NDRG1: variants seen among roughly 807,000 people sequenced by gnomAD.
The protein encoded by NDRG1 is N-myc downstream regulated 1.
NDRG1 carries 32 observed loss-of-function variants against 56.9 expected under a neutral mutation model. That is an observed-to-expected ratio of 0.56 (90% CI 0.42 to 0.76). The LOEUF is 0.76. NDRG1 is among the 30% of genes least tolerant of loss of function. The probability of loss-of-function intolerance (pLI) is 0.00; values close to 1 mark genes in which losing one functional copy is unlikely to be tolerated. For missense variants in NDRG1, 507 were observed against 545.7 expected (o/e 0.93, Z 0.71); for synonymous variants, 211 against 204.1 (o/e 1.03, Z -0.29).
chr8:133,269,687 G>A (rs751984216), intron 3 of NDRG1, among the ~76,000 whole-genome samples: 2 of 152,150 alleles, frequency 1.3e-5, no homozygotes, highest in African/African-American at 4.8e-5. Flanking sequence ...ATTCTGTGCC[G>A]GGCAGAAGAG....
chr8:133,296,399 C>T (rs1461107656), intron 1 of NDRG1: 5 of 442,620 alleles, frequency 1.1e-5, no homozygotes, highest in African/African-American at 2.0e-5. Flanking sequence ...CGGGTTCCTC[C>T]GGGGGCGCAC....
intron 12 of NDRG1, 35 bp from the exon 13 acceptor site, chr8:133,246,698 C>T (rs1206083613): frequency 2.4e-5 from 39 of 1,610,624 alleles, no homozygotes; most frequent in Non-Finnish European, 3.1e-5. Flanking sequence ...TAATTTTCTA[C>T]GTGAAGCCAA....
intron 1 of NDRG1, among the ~76,000 whole-genome samples, chr8:133,290,559 T>C (rs1858373990): frequency 6.6e-6 from 1 of 152,146 alleles, no homozygotes; most frequent in South Asian, 2.1e-4. Context: ...GATCTCACAT[T>C]GCCCTAAATA....
intron 2 of NDRG1, among the ~76,000 whole-genome samples, chr8:133,283,648 G>A (rs1018290916): frequency 1.3e-5 from 2 of 152,202 alleles, no homozygotes; most frequent in Non-Finnish European, 2.9e-5. Context: ...TATGAATTAG[G>A]TCACTCCATC....
intron 3 of NDRG1, among the ~76,000 whole-genome samples, chr8:133,266,192 C>G (rs906128711): frequency 6.6e-5 from 10 of 152,258 alleles, no homozygotes; most frequent in Non-Finnish European, 1.2e-4. Flanking sequence ...AATCAGCCTC[C>G]GCGGGGCCCC....
Position 133,250,454 on chromosome 8 carries a change from G to A in NDRG1, c.684C>T (p.Ile228=). The change falls in exon 10 of 16, where the codon ATC becomes ATT. Residue 228 remains isoleucine (I), a synonymous_variant. Coordinates refer to ENST00000323851, the MANE Select transcript of NDRG1 (RefSeq NM_006096.4). ...DMNPGNLHLF[I]NAYNSRRDLE... is the part of the protein sequence containing the mutation. ...CATCCCAATACCTGTTGTAGGCATT[G>A]ATGAACAGGTGCAGGTTGCCGGGGT... 2 of 1,613,968 alleles carry A rather than the reference G, an allele frequency of 1.2e-6. No homozygotes were observed. The highest frequency in any genetic ancestry group is 1.7e-6 in the Non-Finnish European group (2 of 1,179,832).
At chr8:133,239,167 G>A in intron 15 of NDRG1, 48 bp from the exon 16 acceptor site, 1 of 1,548,590 alleles carries the variant, frequency 6.5e-7, no homozygotes, top group Non-Finnish European at 8.7e-7. Flanking sequence ...ACTGCCAGGT[G>A]AGGAGCCAGG....
intron 7 of NDRG1, among the ~76,000 whole-genome samples, chr8:133,257,714 C>T (rs1856455731): frequency 6.6e-6 from 1 of 152,164 alleles, no homozygotes; most frequent in Non-Finnish European, 1.5e-5. Flanking sequence ...ACCTGGGGTA[C>T]AGTTGAGACC....
chr8:133,245,702 G>T (rs778878415), intron 13 of NDRG1, among the ~76,000 whole-genome samples: 5 of 152,130 alleles, frequency 3.3e-5, no homozygotes, highest in Non-Finnish European at 7.3e-5. Context: ...GAACTAAAAG[G>T]GAATAAATAT....
At chr8:133,256,401 C>A (rs1382254083) in intron 8 of NDRG1, among the ~76,000 whole-genome samples, 3 of 152,140 alleles carry the variant, frequency 2.0e-5, no homozygotes, top group Non-Finnish European at 4.4e-5. Context: ...TTCCTAGAGG[C>A]TTTTGTCTTG....
At chr8:133,295,621 A>G (rs572086865) in intron 1 of NDRG1, among the ~76,000 whole-genome samples, 12 of 152,322 alleles carry the variant, frequency 7.9e-5, no homozygotes, top group Admixed American at 3.9e-4. Flanking sequence ...GTGAAACTCA[A>G]TAAGAACGCC....
intron 1 of NDRG1, chr8:133,296,549 G>A: frequency 2.2e-6 from 1 of 455,724 alleles, no homozygotes; most frequent in South Asian, 1.5e-5. Context: ...AGCGCCACCA[G>A]CCTCTCGGAT....
At chr8:133,252,636 C>T (rs1333274168) in intron 9 of NDRG1, among the ~76,000 whole-genome samples, 1 of 151,036 alleles carries the variant, frequency 6.6e-6, no homozygotes, top group African/African-American at 2.4e-5. Flanking sequence ...CTCTGTTTCC[C>T]TCGTACACTC....
In NDRG1 at chr8:133,269,044, G is replaced by A. The variant is rs145376868; in HGVS notation, c.100-4392C>T. Among the ~76,000 whole-genome samples, 15 of 152,288 alleles carry A rather than the reference G, an allele frequency of 9.8e-5. No individual in the cohort carries two copies. In the East Asian group the frequency reaches 2.9e-3, roughly 29 times the overall value. ...GAATGTTCTGTCCTTCTGTCCCTGC[G>A]GGGATCAATCACTCAGTGTTCTGGA... On this transcript the variant is annotated intron_variant, in intron 3 of 15. Transcript: ENST00000323851.
At chr8:133,261,510 C>T (rs1315703961) in intron 5 of NDRG1, among the ~76,000 whole-genome samples, 1 of 152,202 alleles carries the variant, frequency 6.6e-6, no homozygotes. Flanking sequence ...CTAACAACAG[C>T]AGCCACACAG....
chr8:133,252,078 A>T (rs975368377), intron 9 of NDRG1, among the ~76,000 whole-genome samples: 1 of 152,160 alleles, frequency 6.6e-6, no homozygotes, highest in African/African-American at 2.4e-5. Context: ...GAGCTGTGAG[A>T]GAATACACTT....
rs116738008 is a variant in NDRG1 at position 133,292,500 on chromosome 8, C to A, written c.-19+4634G>T. ...CCCAGGAAGGACCCAACCCAGCCTC[C>A]CCTCCAGCAGAGGACAGCCAAGGAG... is the stretch of plus-strand genomic sequence containing the variant. On this transcript the variant is annotated intron_variant, in intron 1 of 15. Coordinates refer to ENST00000323851, the MANE Select transcript of NDRG1 (RefSeq NM_006096.4). Among the ~76,000 whole-genome samples, 690 of 152,228 alleles carry A rather than the reference C, an allele frequency of 4.5e-3. 4 individuals carry two copies. The highest frequency in any genetic ancestry group is 0.016 in the African/African-American group (653 of 41,526).
chr8:133,292,292 C>T (rs922765010), intron 1 of NDRG1, among the ~76,000 whole-genome samples: 7 of 152,192 alleles, frequency 4.6e-5, no homozygotes, highest in African/African-American at 1.4e-4. Flanking sequence ...ATGCTAGCCA[C>T]GCTAACAGGA....
intron 8 of NDRG1, chr8:133,255,088 C>A: frequency 2.9e-6 from 1 of 339,018 alleles, no homozygotes; most frequent in Admixed American, 3.9e-5. Context: ...TCCTACCTCT[C>A]CCCAGTGACT....
Sources: gnomAD v4.1 joint callset for allele counts (sites outside exome capture counted in the v4.1 genomes callset) on GRCh38, gnomAD v4.1.1 for gene constraint, MANE v1.5 for transcripts, NCBI Gene and HGNC (gene_info 2026-07-23, HGNC 2026-07-21) for gene names.